CHIC1: variants seen among roughly 807,000 people sequenced by gnomAD.
CHIC1 encodes cysteine rich hydrophobic domain 1.
CHIC1 carries 7 observed loss-of-function variants against 18.5 expected under a neutral mutation model. That is an observed-to-expected ratio of 0.38 (90% CI 0.22 to 0.71). The LOEUF is 0.71. Ranked by LOEUF, CHIC1 falls within the 30% of genes least tolerant of loss-of-function variation. CHIC1 has a pLI of 0.49. For synonymous variants in CHIC1, 77 were observed against 73.5 expected (o/e 1.05, Z -0.25); for missense variants, 159 against 176.9 (o/e 0.90, Z 0.57).
chrX:73,598,769 G>C (rs1432107604), intron 3 of CHIC1, among the ~76,000 whole-genome samples: 1 of 110,545 alleles, frequency 9.0e-6, no homozygotes, highest in East Asian at 2.9e-4. Flanking sequence ...ATTTGCTATT[G>C]TGAATAATGC....
chrX:73,649,949 T>C (rs2057907582), intron 3 of CHIC1, among the ~76,000 whole-genome samples: 1 of 112,499 alleles, frequency 8.9e-6, no homozygotes, highest in Non-Finnish European at 1.9e-5. Context: ...AGTAAAACAC[T>C]ACTTAACAAA....
chrX:73,574,043 G>C (rs111982981), intron 1 of CHIC1, among the ~76,000 whole-genome samples: 7 of 109,847 alleles, frequency 6.4e-5, no homozygotes, highest in Non-Finnish European at 1.3e-4. Flanking sequence ...TTGCTTCTTC[G>C]GTATAATGGT....
intron 3 of CHIC1, among the ~76,000 whole-genome samples, chrX:73,630,555 T>C (rs1362308778): frequency 2.7e-5 from 3 of 111,919 alleles, no homozygotes; most frequent in Non-Finnish European, 3.8e-5. Flanking sequence ...GATTTGAGTA[T>C]GTTGACCCAT....
rs764803329 is a variant in CHIC1 at position 73,658,304 on chromosome X, C to A, written c.508-21022C>A. Among the ~76,000 whole-genome samples, 6 of 76,453 alleles carry A rather than the reference C, an allele frequency of 7.8e-5. No homozygotes were observed. In the South Asian group the frequency reaches 5.6e-3, roughly 72 times the overall value. 66.4% of individuals were successfully genotyped at this position (76,453 alleles called of 115,157 possible). On this transcript the variant is annotated intron_variant, in intron 3 of 5. Coordinates refer to ENST00000373502, the MANE Select transcript of CHIC1 (RefSeq NM_001039840.4). ...TGGTTGGTAGGCTATTTATTACGGC[C>A]GCAACTTCAGAACTCATTATTGGTC...
intron 3 of CHIC1, among the ~76,000 whole-genome samples, chrX:73,619,284 G>A (rs1015955841): frequency 9.0e-6 from 1 of 110,991 alleles, no homozygotes; most frequent in African/African-American, 3.3e-5. Flanking sequence ...ACACTGCTCT[G>A]TCCTTCTGAG....
chrX:73,671,835 A>G (rs766125180), intron 3 of CHIC1, among the ~76,000 whole-genome samples: 1 of 108,930 alleles, frequency 9.2e-6, no homozygotes, highest in African/African-American at 3.4e-5. Context: ...TTTGTTACAT[A>G]TGTATACATG....
chrX:73,574,802 G>A (rs1052436357), intron 1 of CHIC1, among the ~76,000 whole-genome samples: 1 of 110,189 alleles, frequency 9.1e-6, no homozygotes, highest in Non-Finnish European at 1.9e-5. Context: ...GCACTTATTT[G>A]GATCTTCTCT....
chrX:73,578,720 C>T (rs2057512509), intron 2 of CHIC1: 1 of 109,993 alleles, frequency 9.1e-6, no homozygotes, highest in Admixed American at 9.6e-5. Context: ...TAGAGAGATA[C>T]ACATGAAACT....
intron 3 of CHIC1, among the ~76,000 whole-genome samples, chrX:73,646,454 C>T (rs2057889812): frequency 8.9e-6 from 1 of 111,925 alleles, no homozygotes; most frequent in Non-Finnish European, 1.9e-5. Context: ...TTGGAATTTT[C>T]ATAGGAATTG....
intron 3 of CHIC1, among the ~76,000 whole-genome samples, chrX:73,651,715 A>C (rs2057917593): frequency 9.0e-6 from 1 of 111,268 alleles, no homozygotes; most frequent in African/African-American, 3.3e-5. Context: ...AGAACTACAA[A>C]CCACTGCTCA....
chrX:73,608,830 G>T (rs1447266464), intron 3 of CHIC1, among the ~76,000 whole-genome samples: 1 of 107,808 alleles, frequency 9.3e-6, no homozygotes, highest in Non-Finnish European at 1.9e-5. Context: ...TGTGAACAGA[G>T]ATATTTTTAC....
chrX:73,606,380 C>A (rs1322530030), intron 3 of CHIC1, among the ~76,000 whole-genome samples: 1 of 106,472 alleles, frequency 9.4e-6, no homozygotes, highest in Non-Finnish European at 1.9e-5. Context: ...GATAGCAATT[C>A]CTCTAATTTT....
intron 1 of CHIC1, among the ~76,000 whole-genome samples, chrX:73,574,555 C>T (rs1174117718): frequency 1.8e-5 from 2 of 109,963 alleles, no homozygotes; most frequent in African/African-American, 6.6e-5. Context: ...TCAGTATGGT[C>T]TTGAGCTTTT....
At chrX:73,677,966 A>G (rs995104582) in intron 3 of CHIC1, among the ~76,000 whole-genome samples, 2 of 109,146 alleles carry the variant, frequency 1.8e-5, no homozygotes, top group Non-Finnish European at 3.8e-5. Flanking sequence ...TGTTGCTGGA[A>G]AATTATTGTG....
At chrX:73,577,884 CTT>C in intron 2 of CHIC1, among the ~76,000 whole-genome samples, 1 of 109,536 alleles carries the variant, frequency 9.1e-6, no homozygotes, top group Non-Finnish European at 1.9e-5. Flanking sequence ...GTTTTTCTGA[CTT>C]TTAGATAGTT....
At chrX:73,617,615 C>T (rs2057738817) in intron 3 of CHIC1, among the ~76,000 whole-genome samples, 2 of 111,690 alleles carry the variant, frequency 1.8e-5, no homozygotes, top group Admixed American at 9.5e-5. Flanking sequence ...AGGCAAAAGG[C>T]ACTTACATGG....
chrX:73,665,990 G>C (rs2058002700), intron 3 of CHIC1, among the ~76,000 whole-genome samples: 1 of 111,801 alleles, frequency 8.9e-6, no homozygotes. Context: ...AATGATTAAA[G>C]GCCAGGTTCT....
intron 3 of CHIC1, among the ~76,000 whole-genome samples, chrX:73,676,850 C>T (rs1325612060): frequency 1.8e-5 from 2 of 111,119 alleles, no homozygotes; most frequent in South Asian, 3.8e-4. Context: ...GTTTTTTTCC[C>T]GTCTTTGTGG....
At chrX:73,652,243 G>T (rs1316366255) in intron 3 of CHIC1, among the ~76,000 whole-genome samples, 1 of 111,578 alleles carries the variant, frequency 9.0e-6, no homozygotes, top group Admixed American at 9.5e-5. Context: ...ACTCAAGATG[G>T]AATAAAGACT....
Sources: gnomAD v4.1 joint callset for allele counts (sites outside exome capture counted in the v4.1 genomes callset) on GRCh38, gnomAD v4.1.1 for gene constraint, MANE v1.5 for transcripts, NCBI Gene and HGNC (gene_info 2026-07-23, HGNC 2026-07-21) for gene names.